TTC21B: variants seen among roughly 807,000 people sequenced by gnomAD.
TTC21B encodes the protein tetratricopeptide repeat domain 21B.
Under a neutral mutation model 175.1 loss-of-function variants are expected in TTC21B, and 127 were observed. The ratio of observed to expected loss-of-function variants is 0.73; its 90% confidence interval spans 0.63 to 0.84. The LOEUF (loss-of-function observed/expected upper bound fraction) is 0.84, where lower values mean the gene tolerates loss of function less well. Ranked by LOEUF, TTC21B falls within the 40% of genes least tolerant of loss-of-function variation. TTC21B has a pLI of 0.00. For synonymous variants in TTC21B, 524 were observed against 524.5 expected (o/e 1.00, Z 0.01); for missense variants, 1,561 against 1,558.3 (o/e 1.00, Z -0.03).
intron 8 of TTC21B, 130 bp from the exon 9 acceptor site, chr2:165,930,494 T>C (rs1418017990): frequency 1.3e-5 from 8 of 616,768 alleles, no homozygotes; most frequent in Non-Finnish European, 2.0e-5. Flanking sequence ...AAATTAATAA[T>C]TAAGGAAAAA....
At chr2:165,912,207 G>A (rs142216312) in intron 17 of TTC21B, among the ~76,000 whole-genome samples, 6 of 152,066 alleles carry the variant, frequency 3.9e-5, no homozygotes, top group African/African-American at 1.4e-4. Flanking sequence ...GCAACAGAAA[G>A]AACATTTATC....
chr2:165,876,884 A>C (rs998934463), intron 27 of TTC21B, among the ~76,000 whole-genome samples: 1 of 152,214 alleles, frequency 6.6e-6, no homozygotes, highest in African/African-American at 2.4e-5. Flanking sequence ...GTGGTAGGAC[A>C]CACAGGGAGT....
In TTC21B at chr2:165,945,615, T is replaced by C. The variant is rs146865517; in HGVS notation, c.338A>G (p.His113Arg). 19 of 1,613,664 alleles carry C rather than the reference T, an allele frequency of 1.2e-5. No homozygotes were observed. The African/African-American group carries it at 1.9e-4, about 16-fold the overall frequency. Residue 113 changes from histidine to arginine, a missense_variant, in exon 4 of 29, where the codon CAT becomes CGT. By Grantham distance (29) the His-to-Arg change is conservative (BLOSUM62 0). Coordinates refer to ENST00000243344, the MANE Select transcript of TTC21B (RefSeq NM_024753.5). ...AATGTGCCATAAAAATAAGCCTGCA[T>C]GGTATAAGGCTTTCTCTCCAGCTCC... ...RKGAGEKALY[H>R]AGLFLWHIGR...
chr2:165,924,986 T>C (rs1686575522), intron 11 of TTC21B, among the ~76,000 whole-genome samples: 1 of 152,212 alleles, frequency 6.6e-6, no homozygotes, highest in African/African-American at 2.4e-5. Flanking sequence ...CAGAGAAATA[T>C]ATCTGTTAAA....
In TTC21B at chr2:165,919,205, A is replaced by G. The variant is rs1686295366; in HGVS notation, c.1674+71T>C. 25 of 1,570,844 alleles carry G rather than the reference A, an allele frequency of 1.6e-5. 1 individual carries two copies. The South Asian group carries it at 2.5e-4, about 15-fold the overall frequency. ...TTAGCAAAATACTACAGGCTAAAAC[A>G]CAAAATACTTGAATATGTAAGCTTT... On this transcript the variant is annotated intron_variant, in intron 13 of 28. Transcript: ENST00000243344.
chr2:165,906,253 C>T (rs1338113318), intron 19 of TTC21B, among the ~76,000 whole-genome samples: 1 of 44,820 alleles, frequency 2.2e-5, no homozygotes. Flanking sequence ...TTTCAAGAGG[C>T]TAAAAAAAAA....
At chr2:165,883,402 T>G (rs1035617325) in intron 26 of TTC21B, among the ~76,000 whole-genome samples, 1 of 152,126 alleles carries the variant, frequency 6.6e-6, no homozygotes, top group Non-Finnish European at 1.5e-5. Context: ...AATGAGAAAA[T>G]GACATGCAGC....
Position 165,876,181 on chromosome 2 carries a change from A to T in TTC21B, c.3857T>A (p.Ile1286Asn). The T allele has an allele frequency of 6.2e-7, 1 of 1,602,678 alleles. No homozygotes were observed. The highest frequency in any genetic ancestry group is 8.5e-7 in the Non-Finnish European group (1 of 1,171,476). Residue 1286 changes from isoleucine (I) to asparagine (N), a missense_variant, in exon 28 of 29, where the codon ATT becomes AAT. Transcript: ENST00000243344. ...AGTGTTTACCTGGTGACATATGTCAATTGAATCCACATATCTTTTTGCTTT... is the reference window on the plus strand; with the variant it reads ...AGTGTTTACCTGGTGACATATGTCATTTGAATCCACATATCTTTTTGCTTT... ...YLKAKRYVDS[I>N]DICHQVLEAH...
intron 19 of TTC21B, among the ~76,000 whole-genome samples, chr2:165,906,677 G>A (rs1348913961): frequency 1.3e-5 from 2 of 152,058 alleles, no homozygotes; most frequent in African/African-American, 4.8e-5. Flanking sequence ...GGGTGCGGTG[G>A]CTCACGCCTG....
intron 18 of TTC21B, among the ~76,000 whole-genome samples, chr2:165,909,844 T>C (rs1024360351): frequency 1.9e-4 from 29 of 152,222 alleles, no homozygotes; most frequent in African/African-American, 6.3e-4. Context: ...AGAAGAGCTA[T>C]ATTTCTAACA....
intron 18 of TTC21B, among the ~76,000 whole-genome samples, chr2:165,909,467 T>C (rs1685856516): frequency 6.6e-6 from 1 of 151,864 alleles, no homozygotes; most frequent in Non-Finnish European, 1.5e-5. Flanking sequence ...GGAGAAAATA[T>C]CTACAACATG....
intron 28 of TTC21B, 139 bp from the exon 29 acceptor site, chr2:165,874,971 G>C (rs1021895659): frequency 1.4e-6 from 1 of 718,662 alleles, no homozygotes; most frequent in East Asian, 2.7e-5. Context: ...CTTTTTAATG[G>C]TGGCATTTTA....
At chr2:165,875,107 G>A (rs1684623500) in intron 28 of TTC21B, among the ~76,000 whole-genome samples, 2 of 152,128 alleles carry the variant, frequency 1.3e-5, no homozygotes, top group Non-Finnish European at 2.9e-5. Flanking sequence ...AAACAATTAT[G>A]TATCAATGAT....
At chr2:165,893,290 T>C (rs1378212859) in intron 22 of TTC21B, among the ~76,000 whole-genome samples, 1 of 152,194 alleles carries the variant, frequency 6.6e-6, no homozygotes, top group Non-Finnish European at 1.5e-5. Flanking sequence ...ATAGAGTAAC[T>C]ACCCCATAAT....
chr2:165,902,100 A>T (rs1237405567), intron 19 of TTC21B, among the ~76,000 whole-genome samples, 190 bp from the exon 20 acceptor site: 1 of 152,214 alleles, frequency 6.6e-6, no homozygotes, highest in East Asian at 1.9e-4. Context: ...CAGCACACAT[A>T]TATCTTTCCA....
At chr2:165,900,757 T>A (rs1685531403) in intron 20 of TTC21B, among the ~76,000 whole-genome samples, 1 of 152,048 alleles carries the variant, frequency 6.6e-6, no homozygotes, top group South Asian at 2.1e-4. Flanking sequence ...AATTAATTTT[T>A]GATAAACTAA....
chr2:165,948,305 C>A (rs530975121), intron 3 of TTC21B: 1 of 152,240 alleles, frequency 6.6e-6, no homozygotes, highest in South Asian at 2.1e-4. Flanking sequence ...GGAATTTAAT[C>A]TTTGTGTTTT....
At chr2:165,888,082 T>C (rs1208925924) in intron 25 of TTC21B, among the ~76,000 whole-genome samples, 197 bp downstream of exon 25, 1 of 152,202 alleles carries the variant, frequency 6.6e-6, no homozygotes, top group Non-Finnish European at 1.5e-5. Context: ...GAGAAATATA[T>C]CAACAACACA....
intron 9 of TTC21B, 40 bp downstream of exon 9, chr2:165,930,132 G>C: frequency 6.3e-7 from 1 of 1,575,550 alleles, no homozygotes; most frequent in South Asian, 1.1e-5. Context: ...ATTGCTACTT[G>C]TATCTATATT....
Sources: allele counts gnomAD v4.1 joint callset (sites outside exome capture counted in the v4.1 genomes callset), GRCh38; gene constraint gnomAD v4.1.1; transcripts MANE v1.5; gene names NCBI Gene and HGNC (gene_info 2026-07-23, HGNC 2026-07-21).